Variants in CNTNAP5 observed in about 807,000 individuals in gnomAD.
The protein encoded by CNTNAP5 is contactin associated protein family member 5.
CNTNAP5 carries 72 observed loss-of-function variants against 150.2 expected under a neutral mutation model. The ratio of observed to expected loss-of-function variants is 0.48; its 90% confidence interval spans 0.40 to 0.58. The LOEUF is 0.58. Ranked by LOEUF, CNTNAP5 falls within the 20% of genes least tolerant of loss-of-function variation. The probability of loss-of-function intolerance (pLI) is 0.00; values close to 1 mark genes in which losing one functional copy is unlikely to be tolerated. For synonymous variants in CNTNAP5, 672 were observed against 619.8 expected (o/e 1.08, Z -1.25); for missense variants, 1,636 against 1,626.2 (o/e 1.01, Z -0.10).
At chr2:124,196,242 T>A (rs1385635521) in intron 1 of CNTNAP5, among the ~76,000 whole-genome samples, 1 of 152,142 alleles carries the variant, frequency 6.6e-6, no homozygotes, top group Non-Finnish European at 1.5e-5. Context: ...GGCTAAGGGA[T>A]AAGCATACTA....
At chr2:124,331,560 A>T (rs543057632) in intron 3 of CNTNAP5, among the ~76,000 whole-genome samples, 1 of 151,906 alleles carries the variant, frequency 6.6e-6, no homozygotes, top group East Asian at 1.9e-4. Flanking sequence ...GGTCAAAAAG[A>T]CTTCATTTGT....
intron 11 of CNTNAP5, among the ~76,000 whole-genome samples, chr2:124,593,069 G>C (rs1696734653): frequency 6.7e-6 from 1 of 149,960 alleles, no homozygotes; most frequent in South Asian, 2.1e-4. Flanking sequence ...ATTCAGCCTT[G>C]TTTTTCTCTA....
At chr2:124,617,316 TCA>T (rs1677513364) in intron 12 of CNTNAP5, among the ~76,000 whole-genome samples, 1 of 152,100 alleles carries the variant, frequency 6.6e-6, no homozygotes, top group Non-Finnish European at 1.5e-5. Flanking sequence ...GTATATTTTC[TCA>T]CAGTTCTAGA....
At chr2:124,071,297 A>G (rs1682298107) in intron 1 of CNTNAP5, among the ~76,000 whole-genome samples, 1 of 151,968 alleles carries the variant, frequency 6.6e-6, no homozygotes. Context: ...ATGTTAGAGA[A>G]CTAGAAAAGC....
chr2:124,652,201 G>A (rs1002006243), intron 13 of CNTNAP5, among the ~76,000 whole-genome samples: 12 of 152,168 alleles, frequency 7.9e-5, no homozygotes, highest in African/African-American at 2.9e-4. Context: ...CAGGACATCC[G>A]TATCCCAGGG....
chr2:124,304,554 T>C (rs1688634957), intron 3 of CNTNAP5, among the ~76,000 whole-genome samples: 1 of 150,004 alleles, frequency 6.7e-6, no homozygotes, highest in African/African-American at 2.5e-5. Flanking sequence ...ACTAGACAGC[T>C]GTAAAGAATT....
intron 1 of CNTNAP5, among the ~76,000 whole-genome samples, chr2:124,125,400 C>A (rs75889731): frequency 6.6e-6 from 1 of 152,132 alleles, no homozygotes. Flanking sequence ...CAGGAGCACC[C>A]AGATTCATAA....
intron 12 of CNTNAP5, among the ~76,000 whole-genome samples, chr2:124,642,120 G>C (rs1438155049): frequency 6.6e-6 from 1 of 152,168 alleles, no homozygotes; most frequent in East Asian, 1.9e-4. Context: ...AACAAGGTAG[G>C]TCACACAGAG....
chr2:124,655,923 A>AAGAG (rs138857798), intron 13 of CNTNAP5, among the ~76,000 whole-genome samples: 40 of 105,994 alleles, frequency 3.8e-4, no homozygotes, highest in East Asian at 2.4e-3. Flanking sequence ...GAAAGACAGA[A>AAGAG]AGAGAGAGAG....
intron 21 of CNTNAP5, among the ~76,000 whole-genome samples, chr2:124,897,936 A>AGTGTGTGT (rs56154943): frequency 9.1e-5 from 13 of 142,108 alleles, no homozygotes; most frequent in East Asian, 6.4e-4. Flanking sequence ...GCAAATGCCA[A>AGTGTGTGT]GTGTGTGTGT....
chr2:124,764,126 T>C lies in CNTNAP5; in HGVS notation c.2512T>C (p.Phe838Leu), dbSNP rs1026873002. The C allele has an allele frequency of 6.2e-6, 10 of 1,612,776 alleles. No individual in the cohort carries two copies. Among genetic ancestry groups the C allele is most frequent in the Non-Finnish European group, 8.5e-6 (10 of 1,178,998 alleles). The change falls in exon 16 of 24, where the codon TTC (phenylalanine) becomes CTC (leucine). Residue 838 changes from phenylalanine to leucine, a missense_variant. Phe to Leu is a conservative substitution (Grantham distance 22, BLOSUM62 0). Transcript: ENST00000682447. ...CCTAGAAAATCTTGGCATTAAAGAC[T>C]TCATTCGACTCGAAATAAGCTGTAA... ...VFLENLGIKDFIRLEISSPSE... is the reference protein window; with the variant it reads ...VFLENLGIKDLIRLEISSPSE...
At chr2:124,071,397 T>C (rs182334136) in intron 1 of CNTNAP5, among the ~76,000 whole-genome samples, 1 of 151,606 alleles carries the variant, frequency 6.6e-6, no homozygotes, top group African/African-American at 2.4e-5. Flanking sequence ...TGCAAAAAAT[T>C]AACAAAATGA....
chr2:124,836,398 A>G (rs1264327575), intron 19 of CNTNAP5, among the ~76,000 whole-genome samples: 1 of 152,192 alleles, frequency 6.6e-6, no homozygotes, highest in Non-Finnish European at 1.5e-5. Context: ...TGCCACAGAC[A>G]GCTTATCCTC....
intron 1 of CNTNAP5, among the ~76,000 whole-genome samples, chr2:124,087,842 A>G (rs1682728989): frequency 6.7e-6 from 1 of 149,108 alleles, no homozygotes; most frequent in Non-Finnish European, 1.5e-5. Context: ...TGTTTTCATT[A>G]TGGGTAAGAT....
chr2:124,706,875 G>GA (rs1277919508), intron 13 of CNTNAP5, among the ~76,000 whole-genome samples: 2 of 5,240 alleles, frequency 3.8e-4, no homozygotes, highest in African/African-American at 1.8e-3. Context: ...AAGGGGAAAG[G>GA]GAAGAAGAAG....
chr2:124,318,241 G>C (rs1410238880), intron 3 of CNTNAP5, among the ~76,000 whole-genome samples: 1 of 152,164 alleles, frequency 6.6e-6, no homozygotes, highest in Non-Finnish European at 1.5e-5. Flanking sequence ...AGTCACGCAG[G>C]CCTCTTTTGC....
intron 1 of CNTNAP5, among the ~76,000 whole-genome samples, chr2:124,190,443 C>T (rs1457028087): frequency 1.3e-5 from 2 of 152,138 alleles, no homozygotes; most frequent in African/African-American, 4.8e-5. Context: ...ACTCAACTGG[C>T]AGATTTTACC....
At chr2:124,204,868 T>C (rs1300355520) in intron 1 of CNTNAP5, among the ~76,000 whole-genome samples, 2 of 152,004 alleles carry the variant, frequency 1.3e-5, no homozygotes, top group Non-Finnish European at 2.9e-5. Flanking sequence ...ATCAAGCATC[T>C]ACTGAGGCAA....
At chr2:124,088,626 A>T (rs942863266) in intron 1 of CNTNAP5, among the ~76,000 whole-genome samples, 3 of 151,874 alleles carry the variant, frequency 2.0e-5, no homozygotes, top group African/African-American at 7.3e-5. Flanking sequence ...AGTAAAATTC[A>T]TAATTGCCTT....
Sources: allele counts gnomAD v4.1 joint callset (sites outside exome capture counted in the v4.1 genomes callset), GRCh38; gene constraint gnomAD v4.1.1; transcripts MANE v1.5; gene names NCBI Gene and HGNC (gene_info 2026-07-23, HGNC 2026-07-21).